The following TMEM231 variants were observed in gnomAD, a reference collection of about 807,000 sequenced individuals.
TMEM231 encodes transmembrane protein 231.
In TMEM231, 40 loss-of-function variants were observed where a neutral mutation model predicts 38.5. That is an observed-to-expected ratio of 1.04 (90% CI 0.81 to 1.35). The LOEUF (loss-of-function observed/expected upper bound fraction) is 1.35, where lower values mean the gene tolerates loss of function less well. TMEM231 is among the 40% of genes most tolerant of loss of function. The pLI, the probability that TMEM231 is intolerant of heterozygous loss-of-function variation, is 0.00. For missense variants in TMEM231, 420 were observed against 416.9 expected (o/e 1.01, Z -0.07); for synonymous variants, 199 against 181.7 (o/e 1.10, Z -0.77).
chr16:75,545,295 C>T (rs1055491295), intron 4 of TMEM231, 57 bp downstream of exon 4: 1 of 1,570,848 alleles, frequency 6.4e-7, no homozygotes, highest in Non-Finnish European at 8.7e-7. Flanking sequence ...CTTTAAAGAA[C>T]TTAATGAACA....
chr16:75,550,136 A>G (rs2080740982), intron 2 of TMEM231, among the ~76,000 whole-genome samples: 1 of 152,188 alleles, frequency 6.6e-6, no homozygotes. Flanking sequence ...AGGACTAGAG[A>G]AGAAGGGGAA....
intron 5 of TMEM231, among the ~76,000 whole-genome samples, 200 bp downstream of exon 5, chr16:75,542,402 G>A (rs1264913352): frequency 6.6e-6 from 1 of 152,096 alleles, no homozygotes; most frequent in Non-Finnish European, 1.5e-5. Context: ...ACCATGGGAT[G>A]CTGGAGGGGT....
At chr16:75,550,466 G>A (rs2080746005) in intron 2 of TMEM231, among the ~76,000 whole-genome samples, 1 of 152,178 alleles carries the variant, frequency 6.6e-6, no homozygotes, top group Non-Finnish European at 1.5e-5. Flanking sequence ...AGGGGAAGAA[G>A]GTGGTTTCCA....
chr16:75,554,222 A>C (rs1292283157), intron 2 of TMEM231, among the ~76,000 whole-genome samples: 1 of 152,136 alleles, frequency 6.6e-6, no homozygotes, highest in African/African-American at 2.4e-5. Context: ...AATTCCTCAA[A>C]ATTTGATGTT....
chr16:75,553,277 T>G (rs2080780855), intron 2 of TMEM231, among the ~76,000 whole-genome samples: 1 of 152,104 alleles, frequency 6.6e-6, no homozygotes, highest in South Asian at 2.1e-4. Context: ...GGGCTAAGAT[T>G]TTAAGATATA....
intron 2 of TMEM231, 57 bp downstream of exon 2, chr16:75,555,747 G>A: frequency 7.0e-7 from 1 of 1,435,146 alleles, no homozygotes. Context: ...CCTCATTCCA[G>A]TCCCCATCCC....
intron 2 of TMEM231, among the ~76,000 whole-genome samples, chr16:75,552,778 T>A (rs1224021370): frequency 6.6e-6 from 1 of 152,146 alleles, no homozygotes; most frequent in African/African-American, 2.4e-5. Context: ...CATACCTGCC[T>A]CCTTGCCAAC....
rs1490869514 is a variant in TMEM231, at chr16:75,537,302, AAAAG to A, written c.*2688_*2691del. On this transcript the variant is annotated 3_prime_UTR_variant, in exon 7 of 7. Coordinates refer to ENST00000258173, the MANE Select transcript of TMEM231 (RefSeq NM_001077418.3). ...CAATAAAAGTTGGAAGGAAAAAAAA[AAAAG>A]AAATAATTGCTTTATTAGCCTTACA... The A allele has an allele frequency of 6.6e-6, 1 of 151,946 alleles. No homozygotes were observed. The highest frequency in any genetic ancestry group is 1.5e-5 in the Non-Finnish European group (1 of 67,998). 9.4% of individuals were successfully genotyped at this position (151,946 alleles called of 1,614,324 possible). A position where few individuals can be genotyped will look rare whatever the true frequency, so the allele number is the denominator to read the frequency against.
In TMEM231 at chr16:75,537,827, A is replaced by T. The variant is rs1843993348; in HGVS notation, c.*2167T>A. The T allele has an allele frequency of 6.6e-6, 1 of 152,156 alleles. No homozygotes were observed. The allele number at this position is 152,156 out of a possible 1,614,324, so 9.4% of individuals were successfully genotyped here. ...CTCTTGCAGCTATGCTGTGATTCAG[A>T]GTCAGAAACTATCAACATCTGGTCT... On this transcript the variant is annotated 3_prime_UTR_variant, in exon 7 of 7. Coordinates refer to ENST00000258173, the MANE Select transcript of TMEM231 (RefSeq NM_001077418.3).
chr16:75,554,291 A>C (rs2080789041), intron 2 of TMEM231, among the ~76,000 whole-genome samples: 1 of 152,228 alleles, frequency 6.6e-6, no homozygotes, highest in African/African-American at 2.4e-5. Context: ...TAGGCCGGGC[A>C]CAGTGGCTGA....
chr16:75,553,010 A>C (rs886547837), intron 2 of TMEM231, among the ~76,000 whole-genome samples: 3 of 152,142 alleles, frequency 2.0e-5, no homozygotes, highest in African/African-American at 4.8e-5. Context: ...AAACAACAAA[A>C]ACTAGACTTC....
At chr16:75,543,472 A>C (rs1433804788) in intron 4 of TMEM231, among the ~76,000 whole-genome samples, 1 of 152,170 alleles carries the variant, frequency 6.6e-6, no homozygotes, top group Non-Finnish European at 1.5e-5. Context: ...CAGGAGGCTG[A>C]AATCAGAGGA....
intron 2 of TMEM231, among the ~76,000 whole-genome samples, chr16:75,549,158 G>A (rs934483302): frequency 6.6e-6 from 1 of 152,320 alleles, no homozygotes; most frequent in South Asian, 2.1e-4. Flanking sequence ...TCACCCTCCT[G>A]GGGCTGGCGA....
Position 75,546,064 on chromosome 16 carries a change from C to G in TMEM231, c.310-110G>C, listed in dbSNP as rs2080686846. On this transcript the variant is annotated intron_variant, in intron 2 of 6. Coordinates refer to ENST00000258173, the MANE Select transcript of TMEM231 (RefSeq NM_001077418.3). ...CCACTGTCTTGCTGTACACAACAGGCATTATCTCCTCCACTAAAAGAGAAA... is the reference window on the plus strand; with the variant it reads ...CCACTGTCTTGCTGTACACAACAGGGATTATCTCCTCCACTAAAAGAGAAA... 3 of 1,551,032 alleles carry G rather than the reference C, an allele frequency of 1.9e-6. No individual in the cohort carries two copies. In the African/African-American group the frequency reaches 4.1e-5, roughly 21 times the overall value.
intron 2 of TMEM231, chr16:75,555,174 C>T (rs1158102300): frequency 6.6e-6 from 1 of 152,196 alleles, no homozygotes; most frequent in African/African-American, 2.4e-5. Context: ...CCTCTCAGCG[C>T]TCTACTGGTG....
At chr16:75,544,849 C>A (rs944285393) in intron 4 of TMEM231, among the ~76,000 whole-genome samples, 2 of 151,948 alleles carry the variant, frequency 1.3e-5, no homozygotes, top group Non-Finnish European at 2.9e-5. Context: ...TATGCGTGTA[C>A]CTTCTCTGTA....
At position 75,549,799 on chromosome 16, in the gene TMEM231, C is replaced by G. The variant is rs940309442; in HGVS notation, c.310-3845G>C. Among the ~76,000 whole-genome samples the G allele has an allele frequency of 2.0e-5, 3 of 152,256 alleles. No individual in the cohort carries two copies. The East Asian group carries it at 5.8e-4, about 29-fold the overall frequency. The stretch of plus-strand genomic sequence containing the variant: ...TCGCCACTCACCGCAACCTCCACCT[C>G]CCAGGTTCGAGTGATTCTCCTGCCT... On this transcript the variant is annotated intron_variant, in intron 2 of 6. Coordinates refer to ENST00000258173, the MANE Select transcript of TMEM231 (RefSeq NM_001077418.3).
intron 2 of TMEM231, 146 bp from the exon 3 acceptor site, chr16:75,546,100 T>C (rs1443836522): frequency 6.5e-7 from 1 of 1,542,990 alleles, no homozygotes; most frequent in South Asian, 1.2e-5. Context: ...AGCAGATAGA[T>C]GTAAGTGCAT....
At chr16:75,541,058 G>C (rs1424385703) in intron 6 of TMEM231, among the ~76,000 whole-genome samples, 1 of 152,088 alleles carries the variant, frequency 6.6e-6, no homozygotes, top group East Asian at 1.9e-4. Flanking sequence ...CTGTCACCGA[G>C]GCTGGAGTAC....
Sources: allele counts gnomAD v4.1 joint callset (sites outside exome capture counted in the v4.1 genomes callset), GRCh38; gene constraint gnomAD v4.1.1; transcripts MANE v1.5; gene names NCBI Gene and HGNC (gene_info 2026-07-23, HGNC 2026-07-21).